DDR2: variants seen among roughly 807,000 people sequenced by gnomAD.
The protein encoded by DDR2 is discoidin domain-containing receptor 2.
DDR2 carries 27 observed loss-of-function variants against 94.9 expected under a neutral mutation model. The ratio of observed to expected loss-of-function variants is 0.28; its 90% confidence interval spans 0.21 to 0.39. DDR2 has a LOEUF of 0.39. DDR2 is among the 10% of genes least tolerant of loss of function. The pLI is 1.00. For missense variants in DDR2, 783 were observed against 1,076.0 expected (o/e 0.73, Z 3.81); for synonymous variants, 382 against 377.2 (o/e 1.01, Z -0.15).
chr1:162,646,789 A>G (rs1657431955), intron 1 of DDR2, among the ~76,000 whole-genome samples: 1 of 152,092 alleles, frequency 6.6e-6, no homozygotes, highest in Non-Finnish European at 1.5e-5. Flanking sequence ...GCCACTCCGA[A>G]TTTACTGAAT....
chr1:162,645,555 G>A (rs1458723620), intron 1 of DDR2, among the ~76,000 whole-genome samples: 1 of 152,142 alleles, frequency 6.6e-6, no homozygotes, highest in Non-Finnish European at 1.5e-5. Context: ...TCACTAGTGT[G>A]GAACTTAAAG....
intron 1 of DDR2, among the ~76,000 whole-genome samples, chr1:162,642,104 C>A (rs562460169): frequency 1.7e-3 from 253 of 150,356 alleles, no homozygotes; most frequent in African/African-American, 6.0e-3. Flanking sequence ...ATTACAGGCA[C>A]CCACACCACG....
At chr1:162,735,199 T>G (rs903657133) in intron 3 of DDR2, among the ~76,000 whole-genome samples, 6 of 152,210 alleles carry the variant, frequency 3.9e-5, no homozygotes, top group Non-Finnish European at 8.8e-5. Flanking sequence ...AGAGGTTGAC[T>G]CAGGGAGAGC....
At chr1:162,696,199 C>CTTT (rs34158006) in intron 2 of DDR2, among the ~76,000 whole-genome samples, 174 of 112,602 alleles carry the variant, frequency 1.5e-3, no homozygotes, top group African/African-American at 3.9e-3. Context: ...GTTTCTTTTC[C>CTTT]TTTTTTTTTT....
In DDR2 at chr1:162,765,986, C is replaced by A. The variant is rs986191704; in HGVS notation, c.1100-15C>A. 1.2e-6 allele frequency: 2 copies of A among 1,613,660 alleles called. No individual in the cohort carries two copies. Among genetic ancestry groups the A allele is most frequent in the African/African-American group, 2.7e-5 (2 of 74,798 alleles). ...GTCTTCTCCCTGGCTCTGACTCACC[C>A]TTGTTTTATAACAGATGCTGCAATG... is the stretch of plus-strand genomic sequence containing the variant. On this transcript the variant is annotated splice_polypyrimidine_tract_variant and intron_variant, in intron 9 of 17. Coordinates refer to ENST00000367921, the MANE Select transcript of DDR2 (RefSeq NM_006182.4).
At chr1:162,705,942 T>G (rs1660642719) in intron 2 of DDR2, among the ~76,000 whole-genome samples, 1 of 152,228 alleles carries the variant, frequency 6.6e-6, no homozygotes, top group Non-Finnish European at 1.5e-5. Context: ...ATTCTTGCCC[T>G]TCAGGGACTT....
At chr1:162,668,527 G>A (rs1404592153) in intron 2 of DDR2, among the ~76,000 whole-genome samples, 1 of 152,148 alleles carries the variant, frequency 6.6e-6, no homozygotes, top group Non-Finnish European at 1.5e-5. Context: ...AGGTTCTAGA[G>A]AAGCATCTTT....
intron 2 of DDR2, among the ~76,000 whole-genome samples, chr1:162,673,580 CGTGTGTGTGTGTGT>C (rs1658972291): frequency 9.0e-6 from 1 of 111,486 alleles, no homozygotes; most frequent in Non-Finnish European, 1.9e-5. Flanking sequence ...TCATTATGTG[CGTGTGTGTGTGTGT>C]ATGTGTGTGT....
intron 5 of DDR2, 77 bp downstream of exon 5, chr1:162,754,932 T>C (rs1357997221): frequency 1.3e-5 from 20 of 1,563,994 alleles, no homozygotes; most frequent in Non-Finnish European, 1.8e-5. Flanking sequence ...AGGGTACAGG[T>C]TTTCTGTGTG....
intron 2 of DDR2, among the ~76,000 whole-genome samples, chr1:162,668,153 T>G (rs970375207): frequency 1.3e-5 from 2 of 152,098 alleles, no homozygotes; most frequent in Non-Finnish European, 2.9e-5. Flanking sequence ...AATTCAATAT[T>G]GAAAAAAATC....
At chr1:162,653,406 G>A (rs753700341) in intron 1 of DDR2, among the ~76,000 whole-genome samples, 14 of 151,980 alleles carry the variant, frequency 9.2e-5, no homozygotes, top group Non-Finnish European at 1.8e-4. Flanking sequence ...TCGAAACCCT[G>A]TCTCTACTAA....
At chr1:162,636,851 G>A (rs935059333) in intron 1 of DDR2, among the ~76,000 whole-genome samples, 1 of 151,996 alleles carries the variant, frequency 6.6e-6, no homozygotes, top group Non-Finnish European at 1.5e-5. Context: ...AAATAATCTA[G>A]CATTTTTGCA....
intron 17 of DDR2, 74 bp from the exon 18 acceptor site, chr1:162,780,038 A>C (rs2102210631): frequency 2.5e-6 from 4 of 1,593,696 alleles, no homozygotes; most frequent in South Asian, 1.1e-5. Context: ...ATGCAAAGAT[A>C]CTTCCCTTTC....
intron 2 of DDR2, among the ~76,000 whole-genome samples, chr1:162,710,883 G>T (rs994916338): frequency 2.6e-5 from 4 of 152,072 alleles, no homozygotes; most frequent in East Asian, 3.9e-4. Flanking sequence ...TTTCCTGCAG[G>T]GGAGGTGCAT....
rs544552779 is a variant in DDR2, at chr1:162,705,990, C to T, written c.-27-13047C>T. Among the ~76,000 whole-genome samples the T allele has an allele frequency of 3.3e-5, 5 of 152,330 alleles. No homozygotes were observed. In the South Asian group the frequency reaches 1.0e-3, roughly 32 times the overall value. On this transcript the variant is annotated intron_variant, in intron 2 of 17. Transcript: ENST00000367921. ...AGGAGATAAAAATTTCACACATACA[C>T]ACTAACACAATTAAGGAGCAATTTA... is the stretch of plus-strand genomic sequence containing the variant.
At chr1:162,716,615 C>A (rs1661178921) in intron 2 of DDR2, among the ~76,000 whole-genome samples, 1 of 152,048 alleles carries the variant, frequency 6.6e-6, no homozygotes, top group Non-Finnish European at 1.5e-5. Flanking sequence ...GATCACATAC[C>A]CCTCAGCCCC....
chr1:162,671,414 C>A (rs1272884170), intron 2 of DDR2, among the ~76,000 whole-genome samples: 2 of 152,164 alleles, frequency 1.3e-5, no homozygotes, highest in Non-Finnish European at 2.9e-5. Flanking sequence ...TAGCAATGAT[C>A]ATATCATTAG....
rs771011679 is a variant in DDR2, at chr1:162,719,048, A to C, written c.-16A>C. The C allele has an allele frequency of 8.7e-6, 14 of 1,613,764 alleles. No homozygotes were observed. Among genetic ancestry groups the C allele is most frequent in the Non-Finnish European group, 1.2e-5 (14 of 1,179,730 alleles). On this transcript the variant is annotated 5_prime_UTR_variant, in exon 3 of 18. Coordinates refer to ENST00000367921, the MANE Select transcript of DDR2 (RefSeq NM_006182.4). ...TTGGTTGGTGGCAGACTCCAGTTCCAACACCATCTTCTGAGATGATCCTGA... is the reference window on the plus strand; with the variant it reads ...TTGGTTGGTGGCAGACTCCAGTTCCCACACCATCTTCTGAGATGATCCTGA...
intron 1 of DDR2, among the ~76,000 whole-genome samples, chr1:162,646,769 G>C (rs1657430470): frequency 1.3e-5 from 2 of 152,148 alleles, no homozygotes; most frequent in Non-Finnish European, 2.9e-5. Context: ...GAAAAATGCA[G>C]GTCCCAGATG....
Sources: gnomAD v4.1 joint callset for allele counts (sites outside exome capture counted in the v4.1 genomes callset) on GRCh38, gnomAD v4.1.1 for gene constraint, MANE v1.5 for transcripts, NCBI Gene and HGNC (gene_info 2026-07-23, HGNC 2026-07-21) for gene names.